GLT8D2: variants seen among roughly 807,000 people sequenced by gnomAD.
The protein encoded by GLT8D2 is glycosyltransferase 8 domain-containing protein 2.
A neutral mutation model predicts 44.5 loss-of-function variants in GLT8D2; 45 were observed. That is an observed-to-expected ratio of 1.01 (90% confidence interval 0.80 to 1.30). The LOEUF (loss-of-function observed/expected upper bound fraction) is 1.30, where lower values mean the gene tolerates loss of function less well. GLT8D2 is among the 50% of genes most tolerant of loss of function. The pLI, the probability that GLT8D2 is intolerant of heterozygous loss-of-function variation, is 0.00. For synonymous variants in GLT8D2, 156 were observed against 157.2 expected (o/e 0.99, Z 0.06); for missense variants, 400 against 430.4 (o/e 0.93, Z 0.62).
In GLT8D2 at chr12:104,047,305, C is replaced by CTTTTTTTTTTTTT. The variant is rs35333809; in HGVS notation, c.-164+2577_-164+2589dup. Among the ~76,000 whole-genome samples the CTTTTTTTTTTTTT allele has an allele frequency of 1.5e-5, 2 of 130,880 alleles. 1 individual carries two copies. The highest frequency in any genetic ancestry group is 3.2e-5 in the Non-Finnish European group (2 of 62,534). 85.9% of individuals were successfully genotyped at this position (130,880 alleles called of 152,430 possible). The stretch of plus-strand genomic sequence containing the variant: ...AAGGGGTGAACCAGCTCTCTTAGGC[C>CTTTTTTTTTTTTT]TTTTTTTTTTTTTTTTGAGATGGAG... On this transcript the variant is annotated intron_variant, in intron 1 of 10. Transcript: ENST00000360814.
intron 1 of GLT8D2, chr12:104,029,779 C>G (rs1879034997): frequency 6.6e-6 from 1 of 152,142 alleles, no homozygotes; most frequent in African/African-American, 2.4e-5. Context: ...CCATCTCTCT[C>G]CGTCTCAGTT....
chr12:104,018,600 G>A lies in GLT8D2; in HGVS notation c.19+1030C>T, dbSNP rs189040425. On this transcript the variant is annotated intron_variant, in intron 3 of 10. Coordinates refer to ENST00000360814, the MANE Select transcript of GLT8D2 (RefSeq NM_001384711.1). ...TAATATTCACCTGCCACGGCCGGGC[G>A]CAGTGCCTCACACCTGTAATCCCAG... 1.9e-3 allele frequency among the ~76,000 whole-genome samples: 296 copies of A among 152,228 alleles called. 1 individual carries two copies. The highest frequency in any genetic ancestry group is 6.9e-3 in the African/African-American group (287 of 41,538).
At position 103,993,523 on chromosome 12, in the gene GLT8D2, AAAC is replaced by A. The variant is rs778919488; in HGVS notation, c.768-22_768-20del. The stretch of plus-strand genomic sequence containing the variant: ...GTTTTCCCTAAGAAATGAAATAGAA[AAAC>A]AACATTTGGCCTGGAGCCCCCACAA... On this transcript the variant is annotated intron_variant, in intron 9 of 10. Transcript: ENST00000360814. 5 of 1,521,666 alleles carry A rather than the reference AAAC, an allele frequency of 3.3e-6. No homozygotes were observed. The highest frequency in any genetic ancestry group is 2.2e-5 in the Admixed American group (1 of 45,662). 94.3% of individuals were successfully genotyped at this position (1,521,666 alleles called of 1,614,324 possible).
chr12:104,016,148 TGTC>T (rs960922046), intron 3 of GLT8D2, among the ~76,000 whole-genome samples: 2 of 152,238 alleles, frequency 1.3e-5, no homozygotes, highest in Admixed American at 1.3e-4. Flanking sequence ...CAGCCATCCT[TGTC>T]GTGTTCCAGA....
At chr12:103,996,208 A>G (rs564365703) in intron 8 of GLT8D2, among the ~76,000 whole-genome samples, 4 of 152,328 alleles carry the variant, frequency 2.6e-5, no homozygotes, top group South Asian at 4.1e-4. Context: ...TGTAGGTTCA[A>G]CTTTCCTCAG....
chr12:104,019,510 G>A (rs1282247820), intron 3 of GLT8D2, 120 bp downstream of exon 3: 16 of 790,174 alleles, frequency 2.0e-5, no homozygotes, highest in Non-Finnish European at 3.3e-5. Flanking sequence ...GTGCCTGTGG[G>A]AAAACTATCC....
chr12:103,995,244 C>T (rs1873264840), intron 8 of GLT8D2, among the ~76,000 whole-genome samples: 1 of 152,204 alleles, frequency 6.6e-6, no homozygotes, highest in Non-Finnish European at 1.5e-5. Context: ...CCTCCAATAG[C>T]TTCCCATCTC....
At chr12:104,058,617 G>A (rs117828713) in intron 1 of GLT8D2, among the ~76,000 whole-genome samples, 1 of 152,122 alleles carries the variant, frequency 6.6e-6, no homozygotes, top group Non-Finnish European at 1.5e-5. Context: ...TAAATAATTT[G>A]ACCAAGGCCA....
At chr12:104,029,856 T>C (rs1450851298) in intron 1 of GLT8D2, 2 of 152,168 alleles carry the variant, frequency 1.3e-5, no homozygotes, top group African/African-American at 4.8e-5. Flanking sequence ...TATATAGTTA[T>C]GCCCTCAAAA....
chr12:104,028,602 TTAAG>T (rs1878856624), intron 1 of GLT8D2, among the ~76,000 whole-genome samples: 1 of 152,192 alleles, frequency 6.6e-6, no homozygotes, highest in African/African-American at 2.4e-5. Flanking sequence ...CCTTGGAAAC[TTAAG>T]ATTCCTCACT....
At chr12:104,014,544 A>T (rs1402938501) in intron 4 of GLT8D2, among the ~76,000 whole-genome samples, 1 of 152,080 alleles carries the variant, frequency 6.6e-6, no homozygotes, top group Non-Finnish European at 1.5e-5. Context: ...TCAAGTTGAG[A>T]GTTATGAGGC....
intron 4 of GLT8D2, among the ~76,000 whole-genome samples, chr12:104,004,041 G>A (rs572240523): frequency 5.5e-4 from 83 of 152,202 alleles, no homozygotes; most frequent in Admixed American, 2.7e-3. Flanking sequence ...ATAATCAAGT[G>A]CGCTTCATCC....
intron 10 of GLT8D2, among the ~76,000 whole-genome samples, chr12:103,989,866 C>G: frequency 6.6e-6 from 1 of 151,732 alleles, no homozygotes; most frequent in East Asian, 1.9e-4. Flanking sequence ...TATTTTGTTT[C>G]TTTATGTGGA....
chr12:104,035,515 G>A (rs1455342411), intron 1 of GLT8D2, among the ~76,000 whole-genome samples: 1 of 152,194 alleles, frequency 6.6e-6, no homozygotes, highest in African/African-American at 2.4e-5. Context: ...AGAACTATGT[G>A]ATGCATGCAC....
intron 3 of GLT8D2, among the ~76,000 whole-genome samples, chr12:104,019,118 C>CTTTT (rs11291563): frequency 4.1e-4 from 48 of 116,452 alleles, no homozygotes; most frequent in Non-Finnish European, 5.1e-4. Flanking sequence ...ACTTCTTCTT[C>CTTTT]TTTTTTTTTT....
At chr12:104,036,527 A>G (rs1879947951) in intron 1 of GLT8D2, among the ~76,000 whole-genome samples, 2 of 152,228 alleles carry the variant, frequency 1.3e-5, no homozygotes, top group African/African-American at 4.8e-5. Flanking sequence ...CTCGGATAAA[A>G]CAGATTTTAA....
upstream of GLT8D2, among the ~76,000 whole-genome samples, chr12:104,054,306 G>A (rs911029566): frequency 6.6e-6 from 1 of 151,988 alleles, no homozygotes; most frequent in African/African-American, 2.4e-5. Flanking sequence ...TTAGCATAAT[G>A]CCCTCAAGTT....
intron 4 of GLT8D2, among the ~76,000 whole-genome samples, chr12:104,013,515 G>GTA (rs1876139679): frequency 6.6e-6 from 1 of 152,012 alleles, no homozygotes; most frequent in South Asian, 2.1e-4. Flanking sequence ...AAGAACATTT[G>GTA]TATATATGTC....
At chr12:103,994,947 C>T (rs1258107597) in intron 8 of GLT8D2, among the ~76,000 whole-genome samples, 1 of 152,170 alleles carries the variant, frequency 6.6e-6, no homozygotes, top group Non-Finnish European at 1.5e-5. Context: ...TCAGTGGCAA[C>T]TCTATCCTTC....
Sources: allele counts gnomAD v4.1 joint callset (sites outside exome capture counted in the v4.1 genomes callset), GRCh38; gene constraint gnomAD v4.1.1; transcripts MANE v1.5; gene names NCBI Gene and HGNC (gene_info 2026-07-23, HGNC 2026-07-21).